Variants in PIAS1 observed in about 807,000 individuals in gnomAD.
The protein encoded by PIAS1 is protein inhibitor of activated STAT 1.
Under a neutral mutation model 71.3 loss-of-function variants are expected in PIAS1, and 6 were observed. That is an observed-to-expected ratio of 0.08 (90% CI 0.05 to 0.17). PIAS1 has a LOEUF of 0.17. Among genes scored for constraint, PIAS1 ranks in the 10% least tolerant of loss-of-function variants. The pLI is 1.00. For synonymous variants in PIAS1, 303 were observed against 292.9 expected (o/e 1.03, Z -0.35); for missense variants, 555 against 793.6 (o/e 0.70, Z 3.61).
intron 1 of PIAS1, among the ~76,000 whole-genome samples, chr15:68,075,212 A>C (rs781455343): frequency 2.4e-4 from 36 of 149,106 alleles, no homozygotes; most frequent in Non-Finnish European, 3.8e-4. Context: ...CAGCCTCCTG[A>C]GTAGCTGGAA....
intron 7 of PIAS1, among the ~76,000 whole-genome samples, chr15:68,154,542 A>G (rs2092874154): frequency 6.6e-6 from 1 of 152,202 alleles, no homozygotes; most frequent in Non-Finnish European, 1.5e-5. Flanking sequence ...ACTCTGGTGG[A>G]AAGAACTAAG....
intron 1 of PIAS1, among the ~76,000 whole-genome samples, chr15:68,067,108 A>G (rs545849023): frequency 1.3e-5 from 2 of 152,278 alleles, no homozygotes; most frequent in East Asian, 1.9e-4. Context: ...TCTTAGTTCC[A>G]TGCTGGTCTG....
In PIAS1 at chr15:68,134,484, C is replaced by CG. The variant is rs1567057428; in HGVS notation, c.470-7456dup. 4.1e-5 allele frequency among the ~76,000 whole-genome samples: 2 copies of CG among 49,152 alleles called. 1 individual carries two copies. Among genetic ancestry groups the CG allele is most frequent in the African/African-American group, 8.5e-5 (2 of 23,652 alleles). 32.2% of individuals were successfully genotyped at this position (49,152 alleles called of 152,430 possible). On this transcript the variant is annotated intron_variant, in intron 2 of 13. Transcript: ENST00000249636. ...CTCCCGGACGGGGCGGCTGGCCGGG[C>CG]GGGGGGCTGACCCCCCCCACTGCCC...
At chr15:68,061,072 A>G (rs867892857) in intron 1 of PIAS1, among the ~76,000 whole-genome samples, 8 of 152,260 alleles carry the variant, frequency 5.3e-5, no homozygotes, top group Non-Finnish European at 7.3e-5. Flanking sequence ...TAATAAATGC[A>G]TATGTGAATT....
chr15:68,069,405 C>T (rs2092067723), intron 1 of PIAS1, among the ~76,000 whole-genome samples: 1 of 152,124 alleles, frequency 6.6e-6, no homozygotes, highest in Non-Finnish European at 1.5e-5. Context: ...GGTTCTTATC[C>T]AGTCATTCTA....
chr15:68,186,070 T>TA lies in PIAS1; in HGVS notation c.1663-1466dup, dbSNP rs1397621206. ...TATCTACTTACAAGCAAACCTATGATAAAAAAGAAACCAAGCCAAACACCA... is the reference window on the plus strand; with the variant it reads ...TATCTACTTACAAGCAAACCTATGATAAAAAAAGAAACCAAGCCAAACACCA... On this transcript the variant is annotated intron_variant, in intron 13 of 13. Coordinates refer to ENST00000249636, the MANE Select transcript of PIAS1 (RefSeq NM_016166.3). This position sits in a 1 kb window ranked among gnomAD's most constrained non-coding sequence, Gnocchi z 4.4. Among the ~76,000 whole-genome samples, 1 of 152,096 alleles carries TA rather than the reference T, an allele frequency of 6.6e-6. No homozygotes were observed. Among genetic ancestry groups the TA allele is most frequent in the African/African-American group, 2.4e-5 (1 of 41,406 alleles).
chr15:68,141,800 C>T, intron 2 of PIAS1, 146 bp from the exon 3 acceptor site: 2 of 561,488 alleles, frequency 3.6e-6, no homozygotes, highest in East Asian at 2.8e-5. Context: ...TAGTGTATTT[C>T]TTATTTTTCA....
chr15:68,057,470 T>C (rs765245429), intron 1 of PIAS1: 33 of 440,738 alleles, frequency 7.5e-5, no homozygotes, highest in South Asian at 5.1e-4. Flanking sequence ...AGTGCCATTT[T>C]AATTTACAGG....
At chr15:68,125,680 A>G (rs2092645241) in intron 2 of PIAS1, among the ~76,000 whole-genome samples, 1 of 152,080 alleles carries the variant, frequency 6.6e-6, no homozygotes, top group Admixed American at 6.6e-5. Flanking sequence ...GAAAAGTTCA[A>G]AGTTAGGCTG....
chr15:68,180,466 T>TAA (rs754563325), intron 11 of PIAS1, among the ~76,000 whole-genome samples: 1 of 113,356 alleles, frequency 8.8e-6, no homozygotes, highest in African/African-American at 2.9e-5. Flanking sequence ...TTAGTAAATT[T>TAA]TAAAAAAAAA....
chr15:68,167,797 C>A lies in PIAS1; in HGVS notation c.1008+2993C>A, dbSNP rs1292310144. 1.3e-5 allele frequency among the ~76,000 whole-genome samples: 2 copies of A among 152,076 alleles called. No homozygotes were observed. The highest frequency in any genetic ancestry group is 4.8e-5 in the African/African-American group (2 of 41,422). On this transcript the variant is annotated intron_variant, in intron 8 of 13. Coordinates refer to ENST00000249636, the MANE Select transcript of PIAS1 (RefSeq NM_016166.3). The surrounding 1 kb of genome is among the most constrained non-coding windows in gnomAD (Gnocchi z 4.4). ...CTTGGCTCACTGCAACCTCCACCTC[C>A]CAGGTTCAAGCAATTCCTCTGCTTC...
intron 1 of PIAS1, chr15:68,055,763 A>T (rs1027406007): frequency 1.1e-5 from 6 of 541,546 alleles, no homozygotes; most frequent in East Asian, 2.9e-5. Flanking sequence ...AAATTATTTA[A>T]TTTTTTCCCC....
At position 68,193,806 on chromosome 15, in the gene PIAS1, T is replaced by TAAAATCAATACAAATCTTTTATTA. The variant is rs140711847; in HGVS notation, c.*5974_*5997dup. ...AAAGGGCCGGACTCACGGTAGTTAA[T>TAAAATCAATACAAATCTTTTATTA]AAAATCAATACAAATCTTTTATTAA... is the stretch of plus-strand genomic sequence containing the variant. On this transcript the variant is annotated 3_prime_UTR_variant, in exon 14 of 14. Coordinates refer to ENST00000249636, the MANE Select transcript of PIAS1 (RefSeq NM_016166.3). 0.019 allele frequency: 9,967 copies of TAAAATCAATACAAATCTTTTATTA among 519,694 alleles called. 153 individuals carry two copies. The highest frequency in any genetic ancestry group is 0.026 in the Non-Finnish European group (7,682 of 291,246). The allele number at this position is 519,694 out of a possible 1,614,324, so 32.2% of individuals were successfully genotyped here.
At chr15:68,116,618 C>T (rs2092566940) in intron 2 of PIAS1, among the ~76,000 whole-genome samples, 1 of 151,760 alleles carries the variant, frequency 6.6e-6, no homozygotes, top group African/African-American at 2.4e-5. Flanking sequence ...CTCCTGATTC[C>T]TTTGGGTTTC....
At chr15:68,125,906 C>T (rs377308640) in intron 2 of PIAS1, among the ~76,000 whole-genome samples, 4 of 152,254 alleles carry the variant, frequency 2.6e-5, no homozygotes, top group African/African-American at 9.6e-5. Context: ...CTATGCTGAT[C>T]TAAGCTGACC....
chr15:68,056,305 C>A (rs369304551), intron 1 of PIAS1, among the ~76,000 whole-genome samples: 3 of 152,328 alleles, frequency 2.0e-5, no homozygotes, highest in South Asian at 2.1e-4. Flanking sequence ...AAAGCACATG[C>A]TGAGAGATTT....
Position 68,054,373 on chromosome 15 carries a change from T to G in PIAS1, c.24+23T>G, listed in dbSNP as rs758177320. 66 of 1,564,236 alleles carry G rather than the reference T, an allele frequency of 4.2e-5. No individual in the cohort carries two copies. The East Asian group carries it at 1.6e-3, about 38-fold the overall frequency. ...AAGGTAAAGCGCAGCTCGAATTCAC[T>G]TCTAATATTCGGCCGCGGAGACGGC... On this transcript the variant is annotated intron_variant, in intron 1 of 13. Coordinates refer to ENST00000249636, the MANE Select transcript of PIAS1 (RefSeq NM_016166.3). This position sits in a 1 kb window ranked among gnomAD's most constrained non-coding sequence, Gnocchi z 4.6.
At position 68,186,500 on chromosome 15, in the gene PIAS1, GTTAA is replaced by G. The variant is rs1214033453; in HGVS notation, c.1663-1039_1663-1036del. On this transcript the variant is annotated intron_variant, in intron 13 of 13. Transcript: ENST00000249636. The surrounding 1 kb of genome is among the most constrained non-coding windows in gnomAD (Gnocchi z 4.4). Reference sequence around the variant, plus strand: ...TATAAAGTAAAATTAGTTAGCTAATGTTAATTTATTATTGAAGAAAGAAAAATAT... The same window carrying G: ...TATAAAGTAAAATTAGTTAGCTAATGTTTATTATTGAAGAAAGAAAAATAT... Among the ~76,000 whole-genome samples, 3 of 152,170 alleles carry G rather than the reference GTTAA, an allele frequency of 2.0e-5. No homozygotes were observed. Among genetic ancestry groups the G allele is most frequent in the Non-Finnish European group, 4.4e-5 (3 of 68,018 alleles).
At chr15:68,092,230 G>A (rs2092337936) in intron 2 of PIAS1, among the ~76,000 whole-genome samples, 1 of 151,908 alleles carries the variant, frequency 6.6e-6, no homozygotes, top group Admixed American at 6.6e-5. Flanking sequence ...CTGGAGTGCA[G>A]TGGCACATTC....
Sources: allele counts gnomAD v4.1 joint callset (sites outside exome capture counted in the v4.1 genomes callset), GRCh38; gene constraint gnomAD v4.1.1; non-coding constraint Gnocchi (gnomAD v3.1); transcripts MANE v1.5; gene names NCBI Gene and HGNC (gene_info 2026-07-23, HGNC 2026-07-21).